Variants in CEMIP observed in about 807,000 individuals in gnomAD.
CEMIP encodes the protein cell migration inducing hyaluronidase 1.
In CEMIP, 105 loss-of-function variants were observed where a neutral mutation model predicts 156.9. That is an observed-to-expected ratio of 0.67 (90% CI 0.57 to 0.79). The LOEUF is 0.79. CEMIP is among the 30% of genes least tolerant of loss of function. The pLI, the probability that CEMIP is intolerant of heterozygous loss-of-function variation, is 0.00. For missense variants in CEMIP, 1,457 were observed against 1,769.4 expected, an observed-to-expected ratio of 0.82 and a Z score of 3.17; for synonymous variants, 676 against 668.4, an observed-to-expected ratio of 1.01 and a Z score of -0.17.
chr15:80,892,978 G>T (rs557685092), intron 10 of CEMIP, among the ~76,000 whole-genome samples: 2 of 152,142 alleles, frequency 1.3e-5, no homozygotes, highest in African/African-American at 4.8e-5. Flanking sequence ...ATTGAAGTTA[G>T]GAGTTCGAGA....
chr15:80,924,859 A>C (rs1007019286), intron 18 of CEMIP, among the ~76,000 whole-genome samples, 153 bp downstream of exon 18: 4 of 152,180 alleles, frequency 2.6e-5, no homozygotes, highest in African/African-American at 7.2e-5. Flanking sequence ...CAATGGTGAA[A>C]ACCTGAGCAG....
rs753728243 is a variant in CEMIP at position 80,937,903 on chromosome 15, G to A, written c.3331G>A (p.Val1111Met). Residue 1111 changes from valine to methionine, a missense_variant, in exon 25 of 30, where the codon GTG (valine) becomes ATG (methionine). Val to Met is a conservative substitution (Grantham distance 21). This residue lies in a region of CEMIP where 798 missense variants were observed against 980.1 expected (regional missense o/e 0.81). Coordinates refer to ENST00000394685, the MANE Select transcript of CEMIP (RefSeq NM_001293298.2). ...GCAAACGTCCAAGACGGGCGTCTTC[G>A]TGAGGACCTTGCAGATGGACAAAGT... ...LKQTSKTGVF[V>M]RTLQMDKVEQ... is the part of the protein sequence containing the mutation. The A allele has an allele frequency of 1.1e-5, 17 of 1,614,094 alleles. No homozygotes were observed. Among genetic ancestry groups the A allele is most frequent in the South Asian group, 4.4e-5 (4 of 91,094 alleles).
intron 14 of CEMIP, among the ~76,000 whole-genome samples, chr15:80,913,382 G>C (rs919610760): frequency 3.3e-5 from 5 of 152,226 alleles, no homozygotes; most frequent in African/African-American, 1.2e-4. Context: ...ACCAAGCTCA[G>C]CAAACCCACT....
At chr15:80,879,903 G>C in intron 5 of CEMIP, 49 bp downstream of exon 5, 1 of 1,609,800 alleles carries the variant, frequency 6.2e-7, no homozygotes, top group Non-Finnish European at 8.5e-7. Flanking sequence ...GATCTGACAA[G>C]AGGGAGACTT....
chr15:80,800,544 A>G (rs930582744), intron 1 of CEMIP, among the ~76,000 whole-genome samples: 2 of 152,166 alleles, frequency 1.3e-5, no homozygotes, highest in Non-Finnish European at 2.9e-5. Flanking sequence ...AAATCTTGGG[A>G]AAACCTTGAT....
intron 4 of CEMIP, 26 bp from the exon 5 acceptor site, chr15:80,879,690 A>G: frequency 6.2e-7 from 1 of 1,613,438 alleles, no homozygotes; most frequent in Non-Finnish European, 8.5e-7. Flanking sequence ...GTGTTATTAA[A>G]CCTCCCCCCA....
At chr15:80,794,483 A>G (rs572784577) in intron 1 of CEMIP, among the ~76,000 whole-genome samples, 19 of 152,312 alleles carry the variant, frequency 1.2e-4, no homozygotes, top group African/African-American at 4.6e-4. Flanking sequence ...TGGGTGCCAC[A>G]TTTGGAATTC....
chr15:80,812,126 G>A (rs965747783), intron 1 of CEMIP, among the ~76,000 whole-genome samples: 6 of 152,140 alleles, frequency 3.9e-5, no homozygotes, highest in African/African-American at 1.2e-4. Flanking sequence ...CAAACCTCCT[G>A]TCTCAGCCTC....
intron 14 of CEMIP, among the ~76,000 whole-genome samples, chr15:80,915,693 C>A (rs937003629): frequency 1.3e-5 from 2 of 152,228 alleles, no homozygotes; most frequent in Admixed American, 6.5e-5. Context: ...TTGTTGAGTT[C>A]TTGCCCCTCC....
chr15:80,847,405 C>G (rs1897589339), intron 1 of CEMIP, among the ~76,000 whole-genome samples: 1 of 152,094 alleles, frequency 6.6e-6, no homozygotes, highest in Non-Finnish European at 1.5e-5. Flanking sequence ...TGGGAAGCAT[C>G]AATACATTAC....
At chr15:80,843,375 A>C (rs1897471915) in intron 1 of CEMIP, among the ~76,000 whole-genome samples, 1 of 152,210 alleles carries the variant, frequency 6.6e-6, no homozygotes, top group African/African-American at 2.4e-5. Context: ...AGATGCTTTG[A>C]ATATATCAGT....
intron 6 of CEMIP, among the ~76,000 whole-genome samples, chr15:80,883,045 A>T (rs1898717832): frequency 6.6e-6 from 1 of 152,166 alleles, no homozygotes. Context: ...ACAGTTGGAA[A>T]CAAGTGTGAG....
rs756830371 is a variant in CEMIP at position 80,895,925 on chromosome 15, T to C, written c.1276T>C (p.Leu426=). Residue 426 remains leucine, a synonymous_variant, in exon 12 of 30, where the codon TTG becomes CTG. Coordinates refer to ENST00000394685, the MANE Select transcript of CEMIP (RefSeq NM_001293298.2). ...CAATGTGAACAGCACCATTCTGAAC[T>C]TGGAGGATAATGTACAGTCATGGAA... ...DTNVNSTILN[L]EDNVQSWKPG... 1 of 1,614,150 alleles carries C rather than the reference T, an allele frequency of 6.2e-7. No individual in the cohort carries two copies. Among genetic ancestry groups the C allele is most frequent in the Non-Finnish European group, 8.5e-7 (1 of 1,180,032 alleles).
intron 1 of CEMIP, among the ~76,000 whole-genome samples, chr15:80,822,524 G>A (rs1182128600): frequency 6.6e-6 from 1 of 152,162 alleles, no homozygotes; most frequent in East Asian, 1.9e-4. Context: ...TTCTTATGCA[G>A]GCTCTGTTTT....
intron 1 of CEMIP, among the ~76,000 whole-genome samples, chr15:80,848,840 C>G (rs1897630251): frequency 1.3e-5 from 2 of 150,558 alleles, no homozygotes; most frequent in African/African-American, 2.5e-5. Flanking sequence ...TTCTGCACTC[C>G]CAGAACTCAG....
At chr15:80,833,673 C>CTT (rs34449516) in intron 1 of CEMIP, among the ~76,000 whole-genome samples, 9 of 132,774 alleles carry the variant, frequency 6.8e-5, no homozygotes, top group Middle Eastern at 3.9e-3. Context: ...TTTTTTTTTT[C>CTT]TTTTTTTTTT....
At chr15:80,938,347 C>G (rs1014677219) in intron 25 of CEMIP, among the ~76,000 whole-genome samples, 4 of 152,164 alleles carry the variant, frequency 2.6e-5, no homozygotes, top group Non-Finnish European at 4.4e-5. Context: ...TGTGGTGACT[C>G]ACGCTTCCCA....
chr15:80,879,609 C>A, intron 4 of CEMIP, 107 bp from the exon 5 acceptor site: 1 of 1,325,196 alleles, frequency 7.5e-7, no homozygotes, highest in Non-Finnish European at 1.1e-6. Flanking sequence ...TGCCTTTTTG[C>A]CTGCCCCGGT....
chr15:80,921,155 G>A, intron 16 of CEMIP, 54 bp downstream of exon 16: 2 of 1,504,038 alleles, frequency 1.3e-6, no homozygotes, highest in Admixed American at 1.7e-5. Context: ...GCTGGAGTCA[G>A]GGAGACAGCC....
Sources: allele counts gnomAD v4.1 joint callset (sites outside exome capture counted in the v4.1 genomes callset), GRCh38; gene constraint gnomAD v4.1.1; regional missense constraint gnomAD v4.1.1; transcripts MANE v1.5; gene names NCBI Gene and HGNC (gene_info 2026-07-23, HGNC 2026-07-21).